TSPAN33: variants seen among roughly 807,000 people sequenced by gnomAD.
TSPAN33 encodes tetraspanin-33.
In TSPAN33, 27 loss-of-function variants were observed where a neutral mutation model predicts 34.8. The observed-to-expected ratio is 0.78, with a 90% CI of 0.57 to 1.07. The LOEUF (loss-of-function observed/expected upper bound fraction) is 1.07, where lower values mean the gene tolerates loss of function less well. Ranked by LOEUF, TSPAN33 falls within the 50% of genes least tolerant of loss-of-function variation. The pLI is 0.00. For missense variants in TSPAN33, 272 were observed against 324.9 expected (o/e 0.84, Z 1.25); for synonymous variants, 119 against 124.2 (o/e 0.96, Z 0.28).
At chr7:129,164,070 T>C (rs1297006388) in intron 4 of TSPAN33, among the ~76,000 whole-genome samples, 1 of 152,182 alleles carries the variant, frequency 6.6e-6, no homozygotes, top group Admixed American at 6.5e-5. Flanking sequence ...TAAATAGCTC[T>C]GTTTTGAGTC....
chr7:129,144,795 C>G lies in TSPAN33; in HGVS notation c.-186C>G, dbSNP rs1281727433. On this transcript the variant is annotated 5_prime_UTR_variant, in exon 1 of 8. Coordinates refer to ENST00000486685, the MANE Select transcript of TSPAN33 (RefSeq NM_178562.5). ...CCACCGCGGCTCCAGCAGCTCCAGGCGCGGTTCCCCGGCCCGCGCCGCTCC... is the reference window on the plus strand; with the variant it reads ...CCACCGCGGCTCCAGCAGCTCCAGGGGCGGTTCCCCGGCCCGCGCCGCTCC... 6.7e-6 allele frequency: 1 copy of G among 149,368 alleles called. No individual in the cohort carries two copies. The highest frequency in any genetic ancestry group is 1.5e-5 in the Non-Finnish European group (1 of 67,090). The allele number at this position is 149,368 out of a possible 1,614,324, so 9.3% of individuals were successfully genotyped here.
At chr7:129,166,362 A>G (rs142093902) in intron 5 of TSPAN33, 3 of 155,050 alleles carry the variant, frequency 1.9e-5, no homozygotes, top group East Asian at 1.9e-4. Context: ...TTGACTCACA[A>G]TATTGAAGAT....
chr7:129,152,808 T>C (rs1810614412), intron 1 of TSPAN33, among the ~76,000 whole-genome samples: 1 of 151,876 alleles, frequency 6.6e-6, no homozygotes, highest in Admixed American at 6.6e-5. Flanking sequence ...CCTGTAATCC[T>C]AGCACTTGGG....
At chr7:129,164,340 AC>A in intron 4 of TSPAN33, 133 bp from the exon 5 acceptor site, 1 of 769,634 alleles carries the variant, frequency 1.3e-6, no homozygotes, top group South Asian at 1.6e-5. Context: ...GCTATCTTCC[AC>A]CATTAGGACT....
chr7:129,155,684 C>T (rs1253587100), intron 1 of TSPAN33, among the ~76,000 whole-genome samples: 1 of 150,696 alleles, frequency 6.6e-6, no homozygotes. Context: ...ATTTAATATC[C>T]TTCTGTTCCA....
intron 1 of TSPAN33, among the ~76,000 whole-genome samples, chr7:129,146,154 G>A (rs1023692671): frequency 2.6e-5 from 4 of 152,086 alleles, no homozygotes; most frequent in African/African-American, 9.7e-5. Flanking sequence ...GAAGAATTGA[G>A]TCTAAAATAT....
intron 1 of TSPAN33, among the ~76,000 whole-genome samples, chr7:129,151,961 A>G (rs1810601549): frequency 6.6e-6 from 1 of 152,204 alleles, no homozygotes; most frequent in Non-Finnish European, 1.5e-5. Context: ...TCTGTGTAAT[A>G]TTCCTGTCAA....
At chr7:129,162,736 G>A (rs1347764782) in intron 3 of TSPAN33, 97 bp from the exon 4 acceptor site, 28 of 1,473,098 alleles carry the variant, frequency 1.9e-5, no homozygotes, top group Non-Finnish European at 2.6e-5. Flanking sequence ...TGGGGCATCT[G>A]GGAGAATTGC....
In TSPAN33 at chr7:129,167,353, G is replaced by T. The variant is rs1436928887; in HGVS notation, c.589-46G>T. The T allele has an allele frequency of 6.3e-7, 1 of 1,581,222 alleles. No homozygotes were observed. The highest frequency in any genetic ancestry group is 8.6e-7 in the Non-Finnish European group (1 of 1,158,858). ...CATCAGCTAAGGCCCCAAACAAAAA[G>T]TTATTGGAATTACAGTCCCAATTGG... On this transcript the variant is annotated intron_variant, in intron 6 of 7. Coordinates refer to ENST00000486685, the MANE Select transcript of TSPAN33 (RefSeq NM_178562.5). This position sits in a 1 kb window ranked among gnomAD's most constrained non-coding sequence, Gnocchi z 4.6.
Position 129,167,869 on chromosome 7 carries a change from T to C in TSPAN33, c.847T>C (p.Tyr283His). The change falls in exon 8 of 8, where the codon TAC (tyrosine) becomes CAC (histidine). Residue 283 changes from tyrosine (Y) to histidine (H), a missense_variant. Transcript: ENST00000486685. The surrounding 1 kb of genome is among the most constrained non-coding windows in gnomAD (Gnocchi z 4.6). ...YNQQHRADPW[Y>H] ...CCAGCAGCACCGGGCTGACCCATGG[T>C]ACTGAGAATCCATCCTGCACCTCCT... 6.2e-7 allele frequency: 1 copy of C among 1,613,912 alleles called. No individual in the cohort carries two copies. The highest frequency in any genetic ancestry group is 8.5e-7 in the Non-Finnish European group (1 of 1,179,946).
intron 2 of TSPAN33, 93 bp downstream of exon 2, chr7:129,161,829 G>T: frequency 3.3e-6 from 5 of 1,508,212 alleles, no homozygotes; most frequent in Non-Finnish European, 4.6e-6. Context: ...TAAGCTATGG[G>T]GCTAAAGGAG....
rs147503946 is a variant in TSPAN33 at position 129,149,603 on chromosome 7, A to G, written c.102+4521A>G. ...AGAGTGCCTCTCAGATCTTTTTAGGAGGCTAGTGCTGGGCCAGTCCCTCCG... is the reference window on the plus strand; with the variant it reads ...AGAGTGCCTCTCAGATCTTTTTAGGGGGCTAGTGCTGGGCCAGTCCCTCCG... On this transcript the variant is annotated intron_variant, in intron 1 of 7. Transcript: ENST00000486685. Among the ~76,000 whole-genome samples the G allele has an allele frequency of 1.9e-3, 289 of 152,340 alleles. 2 individuals are homozygous for G. The highest frequency in any genetic ancestry group is 6.7e-3 in the African/African-American group (277 of 41,574).
chr7:129,151,116 GTATT>G (rs1005796352), intron 1 of TSPAN33, among the ~76,000 whole-genome samples: 4 of 151,912 alleles, frequency 2.6e-5, no homozygotes, highest in Non-Finnish European at 5.9e-5. Flanking sequence ...TTTTATTTAC[GTATT>G]TATTTGTTTA....
intron 1 of TSPAN33, among the ~76,000 whole-genome samples, chr7:129,160,354 G>A (rs1372402002): frequency 1.3e-5 from 2 of 152,182 alleles, no homozygotes; most frequent in Non-Finnish European, 2.9e-5. Flanking sequence ...AGACCCTGCT[G>A]CTGAGAACTC....
intron 1 of TSPAN33, among the ~76,000 whole-genome samples, chr7:129,147,422 AC>A (rs1365661611): frequency 2.0e-5 from 3 of 152,132 alleles, no homozygotes; most frequent in Non-Finnish European, 4.4e-5. Flanking sequence ...AGGGGACAGT[AC>A]TTTTCAGGTG....
rs1793190896 is a variant in TSPAN33, at chr7:129,169,188, C to G, written c.*1314C>G. Among the ~76,000 whole-genome samples, 1 of 152,318 alleles carries G rather than the reference C, an allele frequency of 6.6e-6. No individual in the cohort carries two copies. The highest frequency in any genetic ancestry group is 1.9e-4 in the East Asian group (1 of 5,164). On this transcript the variant is annotated 3_prime_UTR_variant, in exon 8 of 8. Transcript: ENST00000486685. ...ACGGGGAATGAGGAGGAAGAAGGCC[C>G]TCTCTTCCCCTACCCGGGCCCTCCA...
At chr7:129,147,379 G>A (rs898169870) in intron 1 of TSPAN33, among the ~76,000 whole-genome samples, 3 of 152,138 alleles carry the variant, frequency 2.0e-5, no homozygotes, top group African/African-American at 7.2e-5. Context: ...TGGATCTAAG[G>A]ATGAATCTCC....
intron 1 of TSPAN33, among the ~76,000 whole-genome samples, chr7:129,149,723 G>A (rs1810567917): frequency 6.6e-6 from 1 of 152,226 alleles, no homozygotes; most frequent in South Asian, 2.1e-4. Flanking sequence ...CGTGGCCTGA[G>A]GAAGATGCCA....
intron 1 of TSPAN33, among the ~76,000 whole-genome samples, chr7:129,157,500 G>A (rs948599741): frequency 6.6e-6 from 1 of 152,132 alleles, no homozygotes. Flanking sequence ...TGATTTTAAT[G>A]TAGCCTGTAT....
Sources: gnomAD v4.1 joint callset for allele counts (sites outside exome capture counted in the v4.1 genomes callset) on GRCh38, gnomAD v4.1.1 for gene constraint, Gnocchi (gnomAD v3.1) non-coding constraint, MANE v1.5 for transcripts, NCBI Gene and HGNC (gene_info 2026-07-23, HGNC 2026-07-21) for gene names.